The following MLH3 variants were observed in gnomAD, a reference collection of about 807,000 sequenced individuals.
MLH3 encodes the protein DNA mismatch repair protein Mlh3.
Under a neutral mutation model 122.2 loss-of-function variants are expected in MLH3, and 82 were observed. The observed-to-expected ratio is 0.67, with a 90% confidence interval of 0.56 to 0.81. The LOEUF is 0.81. MLH3 is among the 30% of genes least tolerant of loss of function. MLH3 has a pLI of 0.00. For missense variants in MLH3, 1,539 were observed against 1,714.5 expected (o/e 0.90, Z 1.81); for synonymous variants, 524 against 599.5 (o/e 0.87, Z 1.84).
In MLH3 at chr14:75,014,587, G is replaced by A. The variant is rs1889801175; in HGVS notation, c.*2495C>T. ...ATCATTAGTTTCCTTGTCTTTCTCA[G>A]TGACTAAAGCTAAGCCTCTTGAAGG... On this transcript the variant is annotated 3_prime_UTR_variant, in exon 13 of 13. Coordinates refer to ENST00000355774, the MANE Select transcript of MLH3 (RefSeq NM_001040108.2). The A allele has an allele frequency of 4.9e-6, 1 of 202,928 alleles. No homozygotes were observed. Among genetic ancestry groups the A allele is most frequent in the South Asian group, 1.9e-4 (1 of 5,252 alleles). The allele number at this position is 202,928 out of a possible 1,614,324, so 12.6% of individuals were successfully genotyped here. A position where few individuals can be genotyped will look rare whatever the true frequency, so the allele number is the denominator to read the frequency against.
In MLH3 at chr14:75,014,712, C is replaced by A; in HGVS notation, c.*2370G>T. The A allele has an allele frequency of 5.0e-6, 1 of 201,134 alleles. No individual in the cohort carries two copies. 12.5% of individuals were successfully genotyped at this position (201,134 alleles called of 1,614,324 possible). ...TGGCTGCATTTTACATCTCATCTCT[C>A]AAGTTTTACTCTGAAGTTACTAAAG... On this transcript the variant is annotated 3_prime_UTR_variant, in exon 13 of 13. Transcript: ENST00000355774.
chr14:75,027,664 T>TAAAAAAAAAAAAAAAAAA (rs56986784), intron 9 of MLH3, among the ~76,000 whole-genome samples: 1 of 30,900 alleles, frequency 3.2e-5, no homozygotes. Context: ...TTTACTTCAG[T>TAAAAAAAAAAAAAAAAAA]AAAAAAAAAA....
chr14:75,035,062 C>CAAAAAAAA (rs36096670), intron 6 of MLH3, among the ~76,000 whole-genome samples: 13 of 40,226 alleles, frequency 3.2e-4, no homozygotes, highest in Middle Eastern at 0.033. Context: ...GACTCCATCT[C>CAAAAAAAA]AAAAAAAAAA....
chr14:75,040,896 T>A (rs1566596092), intron 4 of MLH3, among the ~76,000 whole-genome samples: 1 of 152,106 alleles, frequency 6.6e-6, no homozygotes, highest in Non-Finnish European at 1.5e-5. Flanking sequence ...AATGCCTGAG[T>A]TCCCAAATGC....
At position 75,030,427 on chromosome 14, in the gene MLH3, C is replaced by A. The variant is rs175070; in HGVS notation, c.3987+116G>T. 1 allele frequency: 1,031,954 copies of A among 1,035,726 alleles called. 514,172 individuals carry two copies. Among genetic ancestry groups the A allele is most frequent in the East Asian group, 1 (42,279 of 42,280 alleles). The allele number at this position is 1,035,726 out of a possible 1,614,324, so 64.2% of individuals were successfully genotyped here. ...TCTGAATTTCTAGCTCCTGGCACAC[C>A]GCAGGTAAATACCATGAATACTTGT... On this transcript the variant is annotated intron_variant, in intron 9 of 12. Transcript: ENST00000355774.
At position 75,049,392 on chromosome 14, in the gene MLH3, C is replaced by T; in HGVS notation, c.264G>A (p.Arg88=). The T allele has an allele frequency of 2.5e-6, 4 of 1,614,022 alleles. No homozygotes were observed. The highest frequency in any genetic ancestry group is 3.4e-6 in the Non-Finnish European group (4 of 1,180,032). The change falls in exon 2 of 13, where the codon AGG becomes AGA. Residue 88 remains arginine (R), a synonymous_variant. Coordinates refer to ENST00000355774, the MANE Select transcript of MLH3 (RefSeq NM_001040108.2). ...CHSVQDLENP[R]FYGFRGEALA... ...AGGCCTCTCCTCGGAAACCATAAAA[C>T]CTTGGATTCTCCAAGTCCTGTACCG... is the stretch of plus-strand genomic sequence containing the variant.
At chr14:75,038,448 T>A in intron 5 of MLH3, 36 bp from the exon 6 acceptor site, 2 of 1,352,334 alleles carry the variant, frequency 1.5e-6, no homozygotes, top group Non-Finnish European at 1.1e-6. Flanking sequence ...CAACACTAAA[T>A]AAAAATTAAC....
In MLH3 at chr14:75,017,096, AG is replaced by A; in HGVS notation, c.4347del (p.Cys1450ValfsTer43). 6.2e-7 allele frequency: 1 copy of A among 1,613,946 alleles called. No homozygotes were observed. Among genetic ancestry groups the A allele is most frequent in the Non-Finnish European group, 8.5e-7 (1 of 1,179,878 alleles). On this transcript the variant is annotated frameshift_variant, in exon 13 of 13. Coordinates refer to ENST00000355774, the MANE Select transcript of MLH3 (RefSeq NM_001040108.2). LOFTEE classifies it high-confidence loss of function. Reference protein sequence around the residue: ...TRQSLQQSMPPCEPP With the variant: ...TRQSLQQSMPXCEPP ...TGATTCTGTTCTCATGGTGGCTCAC[AG>A]GGAGGCATGGATTGCTGCAGGCTCT...
At chr14:75,021,121 T>C (rs749631133) in intron 11 of MLH3, among the ~76,000 whole-genome samples, 1 of 152,190 alleles carries the variant, frequency 6.6e-6, no homozygotes, top group Non-Finnish European at 1.5e-5. Context: ...AGGTGATCCA[T>C]CCGCCTTGGT....
At chr14:75,024,265 G>A (rs1476380647) in intron 9 of MLH3, among the ~76,000 whole-genome samples, 4 of 152,176 alleles carry the variant, frequency 2.6e-5, no homozygotes, top group South Asian at 2.1e-4. Flanking sequence ...GCAATGGCAC[G>A]ATCTTGGCTC....
At chr14:75,030,748 C>T in intron 8 of MLH3, 46 bp from the exon 9 acceptor site, 1 of 1,506,972 alleles carries the variant, frequency 6.6e-7, no homozygotes, top group Non-Finnish European at 9.2e-7. Context: ...AGTGCTACTT[C>T]ATTTGCACTT....
chr14:75,027,492 C>T (rs956477289), intron 9 of MLH3, among the ~76,000 whole-genome samples: 2 of 151,916 alleles, frequency 1.3e-5, no homozygotes, highest in Non-Finnish European at 2.9e-5. Context: ...AACTCCTGAC[C>T]TCAGGTGATC....
In MLH3 at chr14:75,033,537, A is replaced by C. The variant is rs1001631846; in HGVS notation, c.3644-47T>G. On this transcript the variant is annotated intron_variant, in intron 6 of 12. Transcript: ENST00000355774. ...ACTTTGATTCTCAGAGCAAGACGAC[A>C]ACCATCATGTGTGTTGAGGACAGAG... 4.2e-6 allele frequency: 6 copies of C among 1,444,022 alleles called. No homozygotes were observed. In the African/African-American group the frequency reaches 8.4e-5, roughly 20 times the overall value. The allele number at this position is 1,444,022 out of a possible 1,614,324, so 89.5% of individuals were successfully genotyped here.
At chr14:75,035,955 T>A (rs1230362651) in intron 6 of MLH3, among the ~76,000 whole-genome samples, 2 of 152,198 alleles carry the variant, frequency 1.3e-5, no homozygotes, top group African/African-American at 4.8e-5. Context: ...CATCAGCATC[T>A]CGTCCTGTCT....
Position 75,047,401 on chromosome 14 carries a change from C to A in MLH3, c.2255G>T (p.Gly752Val), listed in dbSNP as rs944842929. ...TTGCCTCTTAAACTTCTCTAAAGAT[C>A]CTAGCTGTGAACTCAAGCTTAGCTT... The part of the protein sequence containing the change: ...RKKLSLSSQL[G>V]SLEKFKRQYG... Residue 752 changes from glycine to valine, a missense_variant, in exon 2 of 13, where the codon GGA (glycine) becomes GTA (valine). Coordinates refer to ENST00000355774, the MANE Select transcript of MLH3 (RefSeq NM_001040108.2). 1.2e-6 allele frequency: 2 copies of A among 1,614,090 alleles called. No individual in the cohort carries two copies. Among genetic ancestry groups the A allele is most frequent in the Non-Finnish European group, 1.7e-6 (2 of 1,180,002 alleles).
rs781395220 is a variant in MLH3 at position 75,017,216 on chromosome 14, A to C, written c.4243-15T>G. The C allele has an allele frequency of 5.6e-6, 9 of 1,612,738 alleles. No homozygotes were observed. In the South Asian group the frequency reaches 6.6e-5, roughly 12 times the overall value. ...TTGGGTTTAATCTATGGGAAGAAAG[A>C]ATAACTTCAATTAGCAATATGAAAA... On this transcript the variant is annotated splice_polypyrimidine_tract_variant and intron_variant, in intron 12 of 12. Transcript: ENST00000355774.
intron 2 of MLH3, among the ~76,000 whole-genome samples, chr14:75,045,640 G>A (rs749882457): frequency 6.6e-6 from 1 of 152,108 alleles, no homozygotes; most frequent in Non-Finnish European, 1.5e-5. Flanking sequence ...TGCTGACACT[G>A]CAGGTGCCTT....
chr14:75,051,371 CAG>C lies in MLH3; in HGVS notation c.-64+7_-64+8del, dbSNP rs1216438035. Reference sequence around the variant, plus strand: ...TCATCTTTTCGTCGCGTGCTTCCCCCAGAGTCACCTGGAGTCCCGCTTAACAA... The same window carrying C: ...TCATCTTTTCGTCGCGTGCTTCCCCCAGTCACCTGGAGTCCCGCTTAACAA... On this transcript the variant is annotated splice_region_variant and intron_variant, in intron 1 of 12. Transcript: ENST00000355774. 2 of 152,310 alleles carry C rather than the reference CAG, an allele frequency of 1.3e-5. No individual in the cohort carries two copies. The highest frequency in any genetic ancestry group is 2.9e-5 in the Non-Finnish European group (2 of 68,090). The allele number at this position is 152,310 out of a possible 1,614,324, so 9.4% of individuals were successfully genotyped here. A position where few individuals can be genotyped will look rare whatever the true frequency, so the allele number is the denominator to read the frequency against.
At chr14:75,036,319 T>G (rs1196351908) in intron 6 of MLH3, among the ~76,000 whole-genome samples, 1 of 152,054 alleles carries the variant, frequency 6.6e-6, no homozygotes, top group African/African-American at 2.4e-5. Flanking sequence ...TAGGCCAGAC[T>G]TGTAATATCC....
Sources: allele counts gnomAD v4.1 joint callset (sites outside exome capture counted in the v4.1 genomes callset), GRCh38; gene constraint gnomAD v4.1.1; transcripts MANE v1.5; gene names NCBI Gene and HGNC (gene_info 2026-07-23, HGNC 2026-07-21).